The following NCOA7 variants were observed in gnomAD, a reference collection of about 807,000 sequenced individuals.
NCOA7 encodes the protein nuclear receptor coactivator 7.
NCOA7 carries 45 observed loss-of-function variants against 104.3 expected under a neutral mutation model. The ratio of observed to expected loss-of-function variants is 0.43; its 90% CI spans 0.34 to 0.55. NCOA7 has a LOEUF of 0.55. NCOA7 is among the 20% of genes least tolerant of loss of function. NCOA7 has a pLI of 0.02. For missense variants in NCOA7, 1,041 were observed against 1,119.7 expected (o/e 0.93, Z 1.00); for synonymous variants, 398 against 402.3 (o/e 0.99, Z 0.13).
chr6:125,923,115 A>G (rs1046146765), intron 13 of NCOA7, among the ~76,000 whole-genome samples: 1 of 152,192 alleles, frequency 6.6e-6, no homozygotes, highest in Non-Finnish European at 1.5e-5. Flanking sequence ...TTCTATCACC[A>G]TGAAGTGGAA....
upstream of NCOA7, among the ~76,000 whole-genome samples, chr6:125,786,960 A>C (rs1203577251): frequency 1.3e-5 from 2 of 152,076 alleles, no homozygotes; most frequent in Non-Finnish European, 2.9e-5. Flanking sequence ...CAGCCTGGGC[A>C]ACATGGCGAA....
intron 1 of NCOA7, among the ~76,000 whole-genome samples, chr6:125,802,905 C>A (rs1776039603): frequency 6.6e-6 from 1 of 152,102 alleles, no homozygotes; most frequent in Non-Finnish European, 1.5e-5. Context: ...GATTTAGTTT[C>A]ACACTTGGCA....
intron 1 of NCOA7, among the ~76,000 whole-genome samples, chr6:125,800,401 G>A (rs1775776910): frequency 6.6e-6 from 1 of 152,114 alleles, no homozygotes; most frequent in African/African-American, 2.4e-5. Flanking sequence ...ATAATTATTA[G>A]TACAGAGGAC....
chr6:125,869,759 G>A (rs1782739944), intron 3 of NCOA7, among the ~76,000 whole-genome samples: 1 of 152,144 alleles, frequency 6.6e-6, no homozygotes, highest in Admixed American at 6.5e-5. Flanking sequence ...GAAAAACCAG[G>A]GCTCAAGGCC....
At chr6:125,846,475 T>G (rs1287371838) in intron 2 of NCOA7, among the ~76,000 whole-genome samples, 1 of 152,116 alleles carries the variant, frequency 6.6e-6, no homozygotes, top group African/African-American at 2.4e-5. Context: ...GCCTCTTGCT[T>G]TTGTTTACTT....
At chr6:125,832,583 G>C (rs1163117238) in intron 2 of NCOA7, among the ~76,000 whole-genome samples, 1 of 152,212 alleles carries the variant, frequency 6.6e-6, no homozygotes, top group Non-Finnish European at 1.5e-5. Context: ...AGTCCATAAG[G>C]CCACAAATGA....
intron 3 of NCOA7, among the ~76,000 whole-genome samples, chr6:125,863,196 C>G (rs2128628596): frequency 7.2e-6 from 1 of 138,194 alleles, no homozygotes; most frequent in Middle Eastern, 3.7e-3. Flanking sequence ...ACAAACACCC[C>G]TGAGTACACC....
chr6:125,887,735 T>C (rs1490772886), intron 8 of NCOA7, among the ~76,000 whole-genome samples: 1 of 152,228 alleles, frequency 6.6e-6, no homozygotes, highest in Non-Finnish European at 1.5e-5. Flanking sequence ...TATCTGAAGA[T>C]GATCTGACCT....
At chr6:125,853,455 A>C (rs560548104) in intron 2 of NCOA7, among the ~76,000 whole-genome samples, 1 of 152,314 alleles carries the variant, frequency 6.6e-6, no homozygotes, top group Admixed American at 6.5e-5. Context: ...TTAAACAAAC[A>C]TTAAAAGATA....
intron 7 of NCOA7, 99 bp downstream of exon 7, chr6:125,882,650 C>T: frequency 7.0e-7 from 1 of 1,419,114 alleles, no homozygotes; most frequent in Non-Finnish European, 9.5e-7. Context: ...AAGATCTTAC[C>T]CAAAGTGTCA....
At chr6:125,846,902 T>G (rs1183835277) in intron 2 of NCOA7, among the ~76,000 whole-genome samples, 1 of 152,212 alleles carries the variant, frequency 6.6e-6, no homozygotes, top group Non-Finnish European at 1.5e-5. Context: ...ATTTGTGAAG[T>G]ACATAGCATG....
At position 125,821,755 on chromosome 6, in the gene NCOA7, C is replaced by T. The variant is rs77018555; in HGVS notation, c.50+6351C>T. Among the ~76,000 whole-genome samples the T allele has an allele frequency of 3.6e-3, 542 of 152,112 alleles. 3 individuals are homozygous for T. Among genetic ancestry groups the T allele is most frequent in the African/African-American group, 0.012 (514 of 41,390 alleles). On this transcript the variant is annotated intron_variant, in intron 2 of 15. Transcript: ENST00000392477. ...TTCACCTGTGTAAGTCAGGGTGTTGCATTACAGTGATCCACTTTACTCCCT... is the reference window on the plus strand; with the variant it reads ...TTCACCTGTGTAAGTCAGGGTGTTGTATTACAGTGATCCACTTTACTCCCT...
intron 2 of NCOA7, among the ~76,000 whole-genome samples, chr6:125,849,057 A>G (rs182996673): frequency 4.6e-5 from 7 of 152,356 alleles, no homozygotes; most frequent in Non-Finnish European, 8.8e-5. Flanking sequence ...ATATTTACTG[A>G]GTACCTAATG....
intron 10 of NCOA7, among the ~76,000 whole-genome samples, chr6:125,906,407 G>A (rs944118522): frequency 3.9e-5 from 6 of 152,118 alleles, no homozygotes; most frequent in Admixed American, 6.5e-5. Context: ...AGGTGAGTAC[G>A]GAGCTGCACC....
intron 10 of NCOA7, among the ~76,000 whole-genome samples, chr6:125,912,907 G>A (rs1786714941): frequency 6.6e-6 from 1 of 152,004 alleles, no homozygotes; most frequent in Admixed American, 6.6e-5. Context: ...GGGTAGACAG[G>A]GATGTAAGAA....
intron 8 of NCOA7, among the ~76,000 whole-genome samples, chr6:125,888,245 A>G (rs1276541045): frequency 6.6e-6 from 1 of 152,236 alleles, no homozygotes; most frequent in Non-Finnish European, 1.5e-5. Context: ...TGTAAGTACT[A>G]TACATAAGAG....
At chr6:125,855,408 C>T in intron 3 of NCOA7, 168 bp downstream of exon 3, 1 of 563,002 alleles carries the variant, frequency 1.8e-6, no homozygotes, top group South Asian at 2.2e-5. Context: ...GGGGATCACA[C>T]TAAAATAATG....
intron 9 of NCOA7, among the ~76,000 whole-genome samples, chr6:125,890,282 T>G (rs751506581): frequency 2.0e-5 from 3 of 152,244 alleles, no homozygotes; most frequent in Non-Finnish European, 4.4e-5. Flanking sequence ...AAACTGTTTT[T>G]GAAGAAATCT....
intron 10 of NCOA7, among the ~76,000 whole-genome samples, chr6:125,904,285 G>A (rs1396731453): frequency 3.3e-5 from 5 of 152,006 alleles, no homozygotes; most frequent in African/African-American, 2.4e-5. Context: ...TCCCAGCTCC[G>A]ATGCCCCTCA....
Sources: allele counts gnomAD v4.1 joint callset (sites outside exome capture counted in the v4.1 genomes callset), GRCh38; gene constraint gnomAD v4.1.1; transcripts MANE v1.5; gene names NCBI Gene and HGNC (gene_info 2026-07-23, HGNC 2026-07-21).